CNGA1: variants seen among roughly 807,000 people sequenced by gnomAD.
CNGA1 encodes the protein cyclic nucleotide gated channel subunit alpha 1, also known as cyclic nucleotide-gated channel alpha-1.
Under a neutral mutation model 69.7 loss-of-function variants are expected in CNGA1, and 53 were observed. The ratio of observed to expected loss-of-function variants is 0.76; its 90% confidence interval spans 0.61 to 0.96. The LOEUF (loss-of-function observed/expected upper bound fraction) is 0.96. Ranked by LOEUF, CNGA1 falls within the 40% of genes least tolerant of loss-of-function variation. The pLI, the probability that CNGA1 is intolerant of heterozygous loss-of-function variation, is 0.00. For synonymous variants in CNGA1, 249 were observed against 283.5 expected, an observed-to-expected ratio of 0.88 and a Z score of 1.22; for missense variants, 739 against 811.2, an observed-to-expected ratio of 0.91 and a Z score of 1.08.
rs976399780 is a variant in CNGA1, at chr4:47,945,142, C to G, written c.288-1730G>C. 2.0e-5 allele frequency among the ~76,000 whole-genome samples: 3 copies of G among 152,010 alleles called. No individual in the cohort carries two copies. In the East Asian group the frequency reaches 5.8e-4, roughly 29 times the overall value. Reference sequence around the variant, plus strand: ...CTTTGGGAGGTTGAGGCGGGAGGATCACTTGAGCCCAGGAGTTCAAGACCA... The same window carrying G: ...CTTTGGGAGGTTGAGGCGGGAGGATGACTTGAGCCCAGGAGTTCAAGACCA... On this transcript the variant is annotated intron_variant, in intron 6 of 10. Coordinates refer to ENST00000514170, the MANE Select transcript of CNGA1 (RefSeq NM_001379270.1).
rs534317245 is a variant in CNGA1, at chr4:47,952,674, T to C, written c.16A>G (p.Ile6Val). 27 of 1,604,798 alleles carry C rather than the reference T, an allele frequency of 1.7e-5. No homozygotes were observed. The South Asian group carries it at 2.9e-4, about 17-fold the overall frequency. The change falls in exon 4 of 11, where the codon ATC (isoleucine) becomes GTC (valine). Residue 6 changes from isoleucine to valine, a missense_variant. Transcript: ENST00000514170. MKNNI[I>V]NTQQSFVTMP... ...GTTACAAAAGACTGCTGTGTATTGA[T>C]AATATTGTTCTTCATGGATAGTTTC...
At chr4:47,974,071 GATAGATAGA>G (rs1560299718) in intron 3 of CNGA1, among the ~76,000 whole-genome samples, 870 of 49,422 alleles carry the variant, frequency 0.018, 4 homozygotes, top group African/African-American at 0.025. Context: ...CTGGTCTCTA[GATAGATAGA>G]TAGATAGATA....
intron 3 of CNGA1, among the ~76,000 whole-genome samples, chr4:47,968,421 T>G (rs1740842693): frequency 6.6e-6 from 1 of 152,090 alleles, no homozygotes. Flanking sequence ...CAATCAGGTG[T>G]GCTAACACAG....
intron 2 of CNGA1, among the ~76,000 whole-genome samples, chr4:47,998,767 A>G (rs1714516167): frequency 6.6e-6 from 1 of 152,086 alleles, no homozygotes; most frequent in Non-Finnish European, 1.5e-5. Flanking sequence ...ACAGAGCGAG[A>G]CTCCATCTCA....
chr4:47,964,845 G>A (rs1377873008), intron 3 of CNGA1, among the ~76,000 whole-genome samples: 1 of 151,854 alleles, frequency 6.6e-6, no homozygotes, highest in Non-Finnish European at 1.5e-5. Flanking sequence ...TTTTATATTT[G>A]TGTTCCTTTT....
chr4:47,999,029 T>C (rs1358007888), intron 2 of CNGA1, among the ~76,000 whole-genome samples: 1 of 152,176 alleles, frequency 6.6e-6, no homozygotes, highest in Non-Finnish European at 1.5e-5. Flanking sequence ...CAATGCCAAG[T>C]CATTCACCTC....
chr4:47,956,453 G>A (rs1231419173), intron 3 of CNGA1, among the ~76,000 whole-genome samples: 1 of 152,190 alleles, frequency 6.6e-6, no homozygotes, highest in African/African-American at 2.4e-5. Context: ...GGTTACAAGA[G>A]AGGAAGAAAC....
At chr4:47,944,523 C>T (rs1461779500) in intron 6 of CNGA1, among the ~76,000 whole-genome samples, 1 of 152,112 alleles carries the variant, frequency 6.6e-6, no homozygotes, top group African/African-American at 2.4e-5. Context: ...AGGTAATGGT[C>T]CACACAAAAT....
intron 1 of CNGA1, among the ~76,000 whole-genome samples, chr4:48,013,306 C>T (rs970985044): frequency 1.9e-4 from 29 of 152,300 alleles, no homozygotes; most frequent in African/African-American, 5.3e-4. Context: ...AGTGAATTTA[C>T]AGTTTATTTT....
chr4:47,940,870 C>T lies in CNGA1; in HGVS notation c.546-1G>A, dbSNP rs1037963003. On this transcript the variant is annotated splice_acceptor_variant, in intron 9 of 10. Transcript: ENST00000514170. LOFTEE classifies it high-confidence loss of function. The stretch of plus-strand genomic sequence containing the variant: ...AGATTGAAGTTCATCAAAACATGCT[C>T]TATAAAAAAAGAAACACTTGTATAA... 2 of 1,590,824 alleles carry T rather than the reference C, an allele frequency of 1.3e-6. No homozygotes were observed. The highest frequency in any genetic ancestry group is 8.6e-7 in the Non-Finnish European group (1 of 1,161,746).
chr4:47,947,383 A>G (rs1042817974), intron 6 of CNGA1, among the ~76,000 whole-genome samples: 2 of 152,182 alleles, frequency 1.3e-5, no homozygotes, highest in Non-Finnish European at 2.9e-5. Flanking sequence ...ATGGAAAAAG[A>G]AATAGCCCAG....
intron 2 of CNGA1, among the ~76,000 whole-genome samples, chr4:47,982,499 TC>T (rs1741762184): frequency 6.6e-6 from 1 of 152,010 alleles, no homozygotes; most frequent in South Asian, 2.1e-4. Context: ...AATTCATATT[TC>T]TAATATAAAA....
chr4:48,015,734 G>A lies in CNGA1; in HGVS notation c.-223+749C>T, dbSNP rs151246849. The stretch of plus-strand genomic sequence containing the variant: ...CCGTCCTCCCACCTCAGCCTCCTGA[G>A]TAGCTGAGACTACAGGAGTACACCA... On this transcript the variant is annotated intron_variant, in intron 1 of 10. Transcript: ENST00000514170. Among the ~76,000 whole-genome samples, 393 of 152,204 alleles carry A rather than the reference G, an allele frequency of 2.6e-3. 4 individuals carry two copies. The highest frequency in any genetic ancestry group is 9.0e-3 in the African/African-American group (374 of 41,524).
At chr4:47,943,797 C>G (rs9995022) in intron 6 of CNGA1, among the ~76,000 whole-genome samples, 128,424 of 152,232 alleles carry the variant, frequency 0.84, 54,444 homozygotes, top group East Asian at 0.98. Flanking sequence ...TAAAATCATT[C>G]AGAATTTTAA....
rs375238467 is a variant in CNGA1, at chr4:48,011,725, G to A, written c.-222-832C>T. ...ATATATTGGTTTGGTCCAGAAAGGTGGGACAATTTAAAACCAGGTGGGTGT... is the reference window on the plus strand; with the variant it reads ...ATATATTGGTTTGGTCCAGAAAGGTAGGACAATTTAAAACCAGGTGGGTGT... On this transcript the variant is annotated intron_variant, in intron 1 of 10. Coordinates refer to ENST00000514170, the MANE Select transcript of CNGA1 (RefSeq NM_001379270.1). Among the ~76,000 whole-genome samples the A allele has an allele frequency of 1.6e-4, 25 of 152,268 alleles. 3 individuals are homozygous for A. In the South Asian group the frequency reaches 2.1e-3, roughly 13 times the overall value.
At chr4:47,998,776 C>T (rs1231583761) in intron 2 of CNGA1, among the ~76,000 whole-genome samples, 1 of 151,946 alleles carries the variant, frequency 6.6e-6, no homozygotes, top group Non-Finnish European at 1.5e-5. Flanking sequence ...GACTCCATCT[C>T]AAAAATAAAT....
chr4:47,950,038 C>T (rs1266424394), intron 5 of CNGA1, 143 bp from the exon 6 acceptor site: 1 of 719,400 alleles, frequency 1.4e-6, no homozygotes, highest in Non-Finnish European at 2.5e-6. Context: ...ATTTCAAAAA[C>T]ATATTATGAA....
intron 5 of CNGA1, among the ~76,000 whole-genome samples, chr4:47,950,924 C>A (rs953063360): frequency 1.3e-5 from 2 of 152,284 alleles, no homozygotes; most frequent in South Asian, 4.1e-4. Flanking sequence ...TGCTTCAGGA[C>A]CCTGAAAGAA....
chr4:47,954,475 A>G (rs1739941150), intron 3 of CNGA1, among the ~76,000 whole-genome samples: 1 of 152,174 alleles, frequency 6.6e-6, no homozygotes, highest in Non-Finnish European at 1.5e-5. Context: ...GGGTTTGAGC[A>G]GCGGCGGGGG....
Sources: allele counts gnomAD v4.1 joint callset (sites outside exome capture counted in the v4.1 genomes callset), GRCh38; gene constraint gnomAD v4.1.1; transcripts MANE v1.5; gene names NCBI Gene and HGNC (gene_info 2026-07-23, HGNC 2026-07-21).